The following LYPLAL1 variants were observed in gnomAD, a reference collection of about 807,000 sequenced individuals.
LYPLAL1 encodes the protein lysophospholipase-like protein 1.
LYPLAL1 carries 23 observed loss-of-function variants against 19.7 expected under a neutral mutation model. The observed-to-expected ratio is 1.17, with a 90% confidence interval of 0.84 to 1.65. The LOEUF (loss-of-function observed/expected upper bound fraction) is 1.65, where lower values mean the gene tolerates loss of function less well. Among genes scored for constraint, LYPLAL1 ranks in the 40% most tolerant of loss-of-function variants. The probability of loss-of-function intolerance (pLI) is 0.00; values close to 1 mark genes in which losing one functional copy is unlikely to be tolerated. For synonymous variants in LYPLAL1, 119 were observed against 96.3 expected (o/e 1.24, Z -1.38); for missense variants, 355 against 279.4 (o/e 1.27, Z -1.93).
chr1:219,312,825 A>G, the LYPLAL1 span, among the ~76,000 whole-genome samples: 3 of 152,106 alleles, frequency 2.0e-5, no homozygotes, highest in Admixed American at 6.5e-5. Context: ...CTCCTGGTCT[A>G]TTGGTGGGCC....
At chr1:219,396,373 C>T in the LYPLAL1 span, among the ~76,000 whole-genome samples, 3 of 152,050 alleles carry the variant, frequency 2.0e-5, no homozygotes, top group Non-Finnish European at 2.9e-5. Flanking sequence ...AATGTGATGC[C>T]TCCAGTTTTG....
At chr1:219,383,471 C>A in the LYPLAL1 span, among the ~76,000 whole-genome samples, 1 of 152,216 alleles carries the variant, frequency 6.6e-6, no homozygotes, top group East Asian at 1.9e-4. Flanking sequence ...GGTCAATATA[C>A]TTCAGGTGGT....
the LYPLAL1 span, among the ~76,000 whole-genome samples, chr1:219,227,049 T>G: frequency 6.6e-6 from 1 of 152,224 alleles, no homozygotes; most frequent in Non-Finnish European, 1.5e-5. Context: ...TGGAAAAAAC[T>G]GCATCGTTTG....
intron 1 of LYPLAL1, among the ~76,000 whole-genome samples, chr1:219,176,746 G>T (rs527718014): frequency 6.6e-6 from 1 of 152,144 alleles, no homozygotes; most frequent in Non-Finnish European, 1.5e-5. Flanking sequence ...GGTAAAAATA[G>T]AACCTTTGAA....
At chr1:219,314,617 C>T in the LYPLAL1 span, among the ~76,000 whole-genome samples, 2 of 151,940 alleles carry the variant, frequency 1.3e-5, no homozygotes, top group East Asian at 1.9e-4. Flanking sequence ...GCTAATTTTT[C>T]GTATTTTTAG....
At chr1:219,433,449 G>T in the LYPLAL1 span, among the ~76,000 whole-genome samples, 26 of 152,168 alleles carry the variant, frequency 1.7e-4, 1 homozygote, top group Non-Finnish European at 3.1e-4. Context: ...ATGTACATCA[G>T]ATATTACACG....
At chr1:219,228,266 T>G in the LYPLAL1 span, among the ~76,000 whole-genome samples, 1 of 152,188 alleles carries the variant, frequency 6.6e-6, no homozygotes, top group African/African-American at 2.4e-5. Flanking sequence ...ATTATCATGC[T>G]TTGCTTAGCC....
At chr1:219,366,745 A>G in the LYPLAL1 span, among the ~76,000 whole-genome samples, 1 of 152,088 alleles carries the variant, frequency 6.6e-6, no homozygotes, top group Non-Finnish European at 1.5e-5. Flanking sequence ...AGGGGAGGAA[A>G]ACTGTATGGA....
rs550867515 is a variant in LYPLAL1, at chr1:219,203,765, G to C, written c.362-6767G>C. 3.3e-5 allele frequency among the ~76,000 whole-genome samples: 5 copies of C among 152,278 alleles called. No individual in the cohort carries two copies. The South Asian group carries it at 1.0e-3, about 32-fold the overall frequency. ...ATGATGTGATCAAATGGGCATTTTA[G>C]AAAGATTATGCTGACAACTCTGGAG... On this transcript the variant is annotated intron_variant, in intron 3 of 4. Coordinates refer to ENST00000366928, the MANE Select transcript of LYPLAL1 (RefSeq NM_138794.5).
the LYPLAL1 span, among the ~76,000 whole-genome samples, chr1:219,372,493 C>T: frequency 2.0e-5 from 3 of 152,118 alleles, no homozygotes; most frequent in African/African-American, 7.2e-5. Flanking sequence ...TTCAGTAGGA[C>T]TTTTCACCTT....
At position 219,211,503 on chromosome 1, in the gene LYPLAL1, G is replaced by A; in HGVS notation, c.489G>A (p.Lys163=). ...KASAVYQALQ[K]SNGVLPELFQ... ...ATCTTCTTCTCTAGGCTCTTCAGAA[G>A]AGTAATGGTGTACTTCCTGAATTAT... Residue 163 remains lysine (K), a synonymous_variant, in exon 5 of 5, where the codon AAG becomes AAA. Transcript: ENST00000366928. The A allele has an allele frequency of 6.3e-7, 1 of 1,597,416 alleles. No homozygotes were observed.
the LYPLAL1 span, among the ~76,000 whole-genome samples, chr1:219,257,353 G>GTTTTTTTTTTTTTTTTTTTTTTTT: frequency 5.3e-5 from 7 of 132,580 alleles, 2 homozygotes; most frequent in Non-Finnish European, 6.4e-5. Context: ...ATCCATACCA[G>GTTTTTTTTTTTTTTTTTTTTTTTT]TTTTTGTTTT....
At chr1:219,221,988 G>T in the LYPLAL1 span, among the ~76,000 whole-genome samples, 2 of 152,042 alleles carry the variant, frequency 1.3e-5, no homozygotes, top group African/African-American at 4.8e-5. Flanking sequence ...ACATATCCTC[G>T]CCCTATGGGA....
At chr1:219,435,805 G>A in the LYPLAL1 span, among the ~76,000 whole-genome samples, 2 of 152,000 alleles carry the variant, frequency 1.3e-5, no homozygotes, top group Non-Finnish European at 2.9e-5. Context: ...CAGCCTGGGT[G>A]ACATAGTGAG....
chr1:219,192,067 G>A (rs1025117643), intron 2 of LYPLAL1, among the ~76,000 whole-genome samples: 10 of 151,332 alleles, frequency 6.6e-5, no homozygotes, highest in Non-Finnish European at 1.2e-4. Flanking sequence ...GAAAAATGGT[G>A]TAATTTTGTT....
At chr1:219,205,026 A>AGGAATGGTTGAG (rs1176739545) in intron 3 of LYPLAL1, among the ~76,000 whole-genome samples, 5 of 152,186 alleles carry the variant, frequency 3.3e-5, no homozygotes, top group Non-Finnish European at 7.4e-5. Context: ...CCATCATGAC[A>AGGAATGGTTGAG]GGAATGGTTG....
chr1:219,402,399 A>G, the LYPLAL1 span, among the ~76,000 whole-genome samples: 1 of 152,158 alleles, frequency 6.6e-6, no homozygotes, highest in African/African-American at 2.4e-5. Flanking sequence ...TTTCAGTGCC[A>G]TATTTGAAAC....
chr1:219,193,319 C>T, intron 3 of LYPLAL1, 68 bp downstream of exon 3: 1 of 1,280,392 alleles, frequency 7.8e-7, no homozygotes, highest in Non-Finnish European at 1.1e-6. Context: ...TCAAATCTTA[C>T]TTGGAACATT....
At chr1:219,196,233 G>A (rs1657592043) in intron 3 of LYPLAL1, among the ~76,000 whole-genome samples, 1 of 152,008 alleles carries the variant, frequency 6.6e-6, no homozygotes, top group South Asian at 2.1e-4. Flanking sequence ...CCGGTTCTAG[G>A]TCTTTGAGGA....
Sources: allele counts gnomAD v4.1 joint callset (sites outside exome capture counted in the v4.1 genomes callset), GRCh38; gene constraint gnomAD v4.1.1; transcripts MANE v1.5; gene names NCBI Gene and HGNC (gene_info 2026-07-23, HGNC 2026-07-21).